The following MTBP variants were observed in gnomAD, a reference collection of about 807,000 sequenced individuals.
MTBP encodes mdm2-binding protein.
A neutral mutation model predicts 117.0 loss-of-function variants in MTBP; 101 were observed. That is an observed-to-expected ratio of 0.86 (90% CI 0.73 to 1.02). The LOEUF is 1.02. Among genes scored for constraint, MTBP ranks in the 50% least tolerant of loss-of-function variants. The pLI is 0.00. For missense variants in MTBP, 970 were observed against 1,030.9 expected, an observed-to-expected ratio of 0.94 and a Z score of 0.81; for synonymous variants, 350 against 351.5, an observed-to-expected ratio of 1.00 and a Z score of 0.05.
At chr8:120,456,494 T>G in intron 6 of MTBP, 59 bp from the exon 7 acceptor site, 2 of 1,065,966 alleles carry the variant, frequency 1.9e-6, no homozygotes, top group Non-Finnish European at 2.8e-6. Context: ...TTAACTATAA[T>G]GATTAAATCA....
rs368879333 is a variant in MTBP at position 120,459,282 on chromosome 8, C to A, written c.815C>A (p.Ser272Tyr). Residue 272 changes from serine (S) to tyrosine (Y), a missense_variant, in exon 8 of 22, where the codon TCT (serine) becomes TAT (tyrosine). By Grantham distance (144) the Ser-to-Tyr change is moderately radical. Coordinates refer to ENST00000305949, the MANE Select transcript of MTBP (RefSeq NM_022045.5). ...GTCACACTTAAGAATTTTAGTACTT[C>A]TAATTTAAATACTGACTTCCTTGCC... ...KGVTLKNFST[S>Y]NLNTDFLAKK... is the part of the protein sequence containing the mutation. The A allele has an allele frequency of 1.9e-6, 3 of 1,610,982 alleles. No individual in the cohort carries two copies. Among genetic ancestry groups the A allele is most frequent in the Non-Finnish European group, 2.5e-6 (3 of 1,178,340 alleles).
At chr8:120,446,343 T>C in intron 1 of MTBP, 90 bp from the exon 2 acceptor site, 3 of 778,376 alleles carry the variant, frequency 3.9e-6, no homozygotes, top group Non-Finnish European at 6.9e-6. Flanking sequence ...TACAACCTAC[T>C]GGTCTTGAGA....
At chr8:120,487,118 C>G (rs533020908) in intron 11 of MTBP, among the ~76,000 whole-genome samples, 7 of 152,308 alleles carry the variant, frequency 4.6e-5, no homozygotes, top group Non-Finnish European at 8.8e-5. Flanking sequence ...GCCAAAGACA[C>G]TTTGTTTTAC....
At chr8:120,445,649 T>C (rs1813209128) in intron 1 of MTBP, 61 bp downstream of exon 1, 1 of 1,373,222 alleles carries the variant, frequency 7.3e-7, no homozygotes. Context: ...AGTTTGAGTT[T>C]TGTGATCAAG....
chr8:120,471,069 A>G (rs543213968), intron 11 of MTBP, 132 bp downstream of exon 11: 56 of 616,972 alleles, frequency 9.1e-5, no homozygotes, highest in Non-Finnish European at 1.4e-4. Context: ...CCAGGAGTCC[A>G]CATCATTTTA....
chr8:120,487,604 A>G (rs1814246547), intron 11 of MTBP, among the ~76,000 whole-genome samples: 1 of 152,224 alleles, frequency 6.6e-6, no homozygotes, highest in Non-Finnish European at 1.5e-5. Context: ...AACCTTCACT[A>G]TAACCCTCAC....
intron 2 of MTBP, 83 bp from the exon 3 acceptor site, chr8:120,450,920 G>T: frequency 1.1e-6 from 1 of 886,456 alleles, no homozygotes; most frequent in South Asian, 1.7e-5. Flanking sequence ...CAAAAGTTAT[G>T]GTCTGTAAGT....
intron 2 of MTBP, among the ~76,000 whole-genome samples, chr8:120,450,512 A>T (rs1412066027): frequency 6.6e-6 from 1 of 152,142 alleles, no homozygotes; most frequent in East Asian, 1.9e-4. Context: ...TTAATTTTAT[A>T]TCCTCATATA....
At chr8:120,486,318 G>A (rs543923291) in intron 11 of MTBP, among the ~76,000 whole-genome samples, 20 of 152,216 alleles carry the variant, frequency 1.3e-4, no homozygotes, top group Non-Finnish European at 2.5e-4. Context: ...AGTGCTTAGG[G>A]CCTTCTGTTT....
intron 12 of MTBP, among the ~76,000 whole-genome samples, chr8:120,489,169 G>C (rs1814287322): frequency 6.6e-6 from 1 of 151,326 alleles, no homozygotes. Context: ...CTCCCAAGTA[G>C]CTGGGACTAC....
chr8:120,456,671 G>A lies in MTBP; in HGVS notation c.747+1G>A. 1 of 1,488,980 alleles carries A rather than the reference G, an allele frequency of 6.7e-7. No homozygotes were observed. The highest frequency in any genetic ancestry group is 9.3e-7 in the Non-Finnish European group (1 of 1,077,426). 92.2% of individuals were successfully genotyped at this position (1,488,980 alleles called of 1,614,324 possible). ...GAAAATACAGATATGGGAAAGAAAG[G>A]TAAATGGATTATTCACAGTTTGCCA... On this transcript the variant is annotated splice_donor_variant, in intron 7 of 21. Coordinates refer to ENST00000305949, the MANE Select transcript of MTBP (RefSeq NM_022045.5). LOFTEE classifies it high-confidence loss of function.
At chr8:120,506,189 TGTC>T (rs1814682052) in intron 15 of MTBP, among the ~76,000 whole-genome samples, 1 of 152,164 alleles carries the variant, frequency 6.6e-6, no homozygotes, top group Non-Finnish European at 1.5e-5. Flanking sequence ...TTATTCATAA[TGTC>T]ATCATCATGG....
rs759460487 is a variant in MTBP, at chr8:120,515,977, C to T, written c.2032C>T (p.Leu678Phe). 9 of 1,612,914 alleles carry T rather than the reference C, an allele frequency of 5.6e-6. No homozygotes were observed. Among genetic ancestry groups the T allele is most frequent in the Non-Finnish European group, 7.6e-6 (9 of 1,179,188 alleles). Residue 678 changes from leucine (L) to phenylalanine (F), a missense_variant, in exon 18 of 22, where the codon CTT (leucine) becomes TTT (phenylalanine). By Grantham distance (22) the Leu-to-Phe change is conservative. Transcript: ENST00000305949. ...ALERDGGFSELQSRLIRYETQ... is the reference protein window; with the variant it reads ...ALERDGGFSEFQSRLIRYETQ... ...GGAAAGAGATGGAGGATTTTCTGAA[C>T]TTCAGTCTCGTCTTATTCGTTATGA...
intron 4 of MTBP, 42 bp downstream of exon 4, chr8:120,451,364 T>C (rs1466619824): frequency 1.4e-6 from 2 of 1,432,138 alleles, no homozygotes; most frequent in Non-Finnish European, 2.0e-6. Context: ...AAATACTTAA[T>C]ATTAGACAGT....
At chr8:120,515,831 C>A in intron 17 of MTBP, 94 bp from the exon 18 acceptor site, 2 of 1,180,520 alleles carry the variant, frequency 1.7e-6, no homozygotes, top group Non-Finnish European at 1.2e-6. Flanking sequence ...AACAAGAACT[C>A]TTAAAGTAAA....
At chr8:120,520,974 A>G (rs1814999993) in intron 20 of MTBP, among the ~76,000 whole-genome samples, 1 of 152,126 alleles carries the variant, frequency 6.6e-6, no homozygotes, top group African/African-American at 2.4e-5. Context: ...TCAACAGAAC[A>G]AGGGACTAAA....
intron 11 of MTBP, among the ~76,000 whole-genome samples, chr8:120,487,728 C>A (rs1814248856): frequency 1.3e-5 from 2 of 152,248 alleles, no homozygotes; most frequent in South Asian, 4.1e-4. Context: ...TGGATGCCCA[C>A]TGCAAGAAGC....
chr8:120,474,675 G>A (rs1586950107), intron 11 of MTBP, among the ~76,000 whole-genome samples: 1 of 151,856 alleles, frequency 6.6e-6, no homozygotes, highest in East Asian at 1.9e-4. Context: ...CATTCATCTA[G>A]TCAGTTATAC....
At chr8:120,513,451 C>A (rs193113368) in intron 17 of MTBP, among the ~76,000 whole-genome samples, 170 of 151,970 alleles carry the variant, frequency 1.1e-3, no homozygotes, top group African/African-American at 4.0e-3. Flanking sequence ...AAATATACAC[C>A]CTGCCCCTTG....
Sources: allele counts gnomAD v4.1 joint callset (sites outside exome capture counted in the v4.1 genomes callset), GRCh38; gene constraint gnomAD v4.1.1; transcripts MANE v1.5; gene names NCBI Gene and HGNC (gene_info 2026-07-23, HGNC 2026-07-21).